Variants in PPP1R1C observed in about 807,000 individuals in gnomAD.
PPP1R1C encodes protein phosphatase 1 regulatory subunit 1C.
A neutral mutation model predicts 17.4 loss-of-function variants in PPP1R1C; 15 were observed. The ratio of observed to expected loss-of-function variants is 0.86; its 90% CI spans 0.58 to 1.33. The LOEUF (loss-of-function observed/expected upper bound fraction) is 1.33. Among genes scored for constraint, PPP1R1C ranks in the 40% most tolerant of loss-of-function variants. The pLI, the probability that PPP1R1C is intolerant of heterozygous loss-of-function variation, is 0.00. For synonymous variants in PPP1R1C, 35 were observed against 43.1 expected (o/e 0.81, Z 0.73); for missense variants, 143 against 130.0 (o/e 1.10, Z -0.48).
intron 4 of PPP1R1C, among the ~76,000 whole-genome samples, chr2:182,085,832 A>G (rs2125216917): frequency 6.6e-6 from 1 of 152,294 alleles, no homozygotes; most frequent in African/African-American, 2.4e-5. Context: ...TAGGAAAGCT[A>G]ATCACATAAC....
chr2:182,106,689 G>A (rs1254424360), intron 4 of PPP1R1C, among the ~76,000 whole-genome samples: 1 of 152,264 alleles, frequency 6.6e-6, no homozygotes, highest in African/African-American at 2.4e-5. Context: ...TTGCCATAAG[G>A]CATGGGGCCT....
intron 4 of PPP1R1C, among the ~76,000 whole-genome samples, chr2:182,100,075 A>G (rs537153747): frequency 1.3e-5 from 2 of 152,360 alleles, no homozygotes; most frequent in East Asian, 3.9e-4. Context: ...CTCCTGAGAT[A>G]AAATGAAATA....
At chr2:182,000,933 G>T (rs1310754475) in intron 2 of PPP1R1C, among the ~76,000 whole-genome samples, 1 of 152,132 alleles carries the variant, frequency 6.6e-6, no homozygotes, top group Non-Finnish European at 1.5e-5. Context: ...GGATAGGATG[G>T]CTGCAAATAA....
intron 4 of PPP1R1C, among the ~76,000 whole-genome samples, chr2:182,102,113 T>C (rs1426465338): frequency 1.3e-5 from 2 of 152,238 alleles, no homozygotes; most frequent in African/African-American, 4.8e-5. Context: ...GAATTAACTA[T>C]AATATTTATA....
At chr2:182,030,933 C>G (rs112581034) in intron 2 of PPP1R1C, 1 of 157,086 alleles carries the variant, frequency 6.4e-6, no homozygotes, top group African/African-American at 2.4e-5. Flanking sequence ...TTTTTTAAGC[C>G]GGTCCGAAAA....
At chr2:182,014,716 G>T in intron 2 of PPP1R1C, among the ~76,000 whole-genome samples, 1 of 151,938 alleles carries the variant, frequency 6.6e-6, no homozygotes, top group East Asian at 1.9e-4. Context: ...TAACCTACTT[G>T]GTGCTCCTTT....
chr2:182,110,806 T>C (rs979937901), intron 4 of PPP1R1C, among the ~76,000 whole-genome samples: 2 of 152,160 alleles, frequency 1.3e-5, no homozygotes, highest in Non-Finnish European at 2.9e-5. Context: ...TAGGGAGCCA[T>C]TCTGTCTCTT....
chr2:182,080,165 A>G (rs1215923348), intron 4 of PPP1R1C, among the ~76,000 whole-genome samples: 2 of 152,240 alleles, frequency 1.3e-5, no homozygotes, highest in Non-Finnish European at 2.9e-5. Context: ...CTAAAATGCC[A>G]TGCATAGTTC....
At chr2:182,014,002 GT>G (rs1161301211) in intron 2 of PPP1R1C, among the ~76,000 whole-genome samples, 3 of 152,136 alleles carry the variant, frequency 2.0e-5, no homozygotes, top group Non-Finnish European at 4.4e-5. Context: ...CTGTCTAAAA[GT>G]TTACATATCT....
chr2:182,092,136 T>C (rs2368291), intron 4 of PPP1R1C, among the ~76,000 whole-genome samples: 43,861 of 152,016 alleles, frequency 0.29, 7,408 homozygotes, highest in African/African-American at 0.47. Context: ...AAGACATACC[T>C]GAGACCAGGC....
chr2:182,061,478 A>G lies in PPP1R1C; in HGVS notation c.179A>G (p.Glu60Gly). 1 of 1,467,514 alleles carries G rather than the reference A, an allele frequency of 6.8e-7. No individual in the cohort carries two copies. The highest frequency in any genetic ancestry group is 1.4e-5 in the South Asian group (1 of 72,012). The allele number at this position is 1,467,514 out of a possible 1,614,324, so 90.9% of individuals were successfully genotyped here. The change falls in exon 3 of 5, where the codon GAA becomes GGA. Residue 60 changes from glutamate (E) to glycine (G), a missense_variant and splice_region_variant. Glu to Gly is a moderately conservative substitution (Grantham distance 98, BLOSUM62 -2). Transcript: ENST00000682840. ...DDKRGPNTQG[E>G]LQNASPKQRK... ...AAGAGGGGGCCCAACACACAAGGGGAAGTAAGTTTTTAAAAATATTTTGTA... is the reference window on the plus strand; with the variant it reads ...AAGAGGGGGCCCAACACACAAGGGGGAGTAAGTTTTTAAAAATATTTTGTA...
At chr2:181,990,491 C>G (rs1685446000) in intron 2 of PPP1R1C, among the ~76,000 whole-genome samples, 2 of 152,132 alleles carry the variant, frequency 1.3e-5, no homozygotes, top group Admixed American at 6.5e-5. Flanking sequence ...AGTGTTCTTT[C>G]TTTCAACCTC....
At chr2:182,110,261 T>C (rs1335032194) in intron 4 of PPP1R1C, among the ~76,000 whole-genome samples, 2 of 149,904 alleles carry the variant, frequency 1.3e-5, no homozygotes, top group Non-Finnish European at 3.0e-5. Flanking sequence ...AAAAATAAAA[T>C]TTAATAAGGT....
chr2:181,975,707 T>A (rs1685082557), intron 2 of PPP1R1C, among the ~76,000 whole-genome samples: 1 of 151,898 alleles, frequency 6.6e-6, no homozygotes, highest in East Asian at 1.9e-4. Flanking sequence ...CAATTATTAT[T>A]GTAGTTCGTT....
intron 2 of PPP1R1C, among the ~76,000 whole-genome samples, chr2:182,047,249 T>A (rs1687375332): frequency 6.6e-6 from 1 of 152,162 alleles, no homozygotes; most frequent in Non-Finnish European, 1.5e-5. Context: ...AATGAAATAT[T>A]AGTGTTTTAA....
intron 4 of PPP1R1C, among the ~76,000 whole-genome samples, chr2:182,113,284 T>G (rs991149734): frequency 4.6e-5 from 7 of 152,358 alleles, no homozygotes; most frequent in African/African-American, 1.7e-4. Context: ...TCTTGGAAGC[T>G]ACATAGATTA....
At chr2:182,114,369 T>A (rs1351804613) in intron 4 of PPP1R1C, among the ~76,000 whole-genome samples, 1 of 151,926 alleles carries the variant, frequency 6.6e-6, no homozygotes, top group Non-Finnish European at 1.5e-5. Flanking sequence ...ATCTCTAGAA[T>A]TACATCAAAT....
downstream of PPP1R1C, among the ~76,000 whole-genome samples, chr2:182,120,583 A>T (rs1490371499): frequency 6.6e-6 from 1 of 152,086 alleles, no homozygotes; most frequent in Non-Finnish European, 1.5e-5. Flanking sequence ...TCTACTTAAA[A>T]CCTGATTAAG....
chr2:181,982,367 A>C (rs535951827), upstream of PPP1R1C, among the ~76,000 whole-genome samples: 1 of 152,318 alleles, frequency 6.6e-6, no homozygotes, highest in African/African-American at 2.4e-5. Context: ...AATTCAGTTT[A>C]TTGGAACACC....
Sources: allele counts gnomAD v4.1 joint callset (sites outside exome capture counted in the v4.1 genomes callset), GRCh38; gene constraint gnomAD v4.1.1; transcripts MANE v1.5; gene names NCBI Gene and HGNC (gene_info 2026-07-23, HGNC 2026-07-21).